The following ASIC1 variants were observed in gnomAD, a reference collection of about 807,000 sequenced individuals.
The protein encoded by ASIC1 is acid sensing ion channel subunit 1, also known as acid-sensing ion channel 1.
A neutral mutation model predicts 63.4 loss-of-function variants in ASIC1; 21 were observed. The observed-to-expected ratio is 0.33, with a 90% confidence interval of 0.23 to 0.48. The LOEUF (loss-of-function observed/expected upper bound fraction) is 0.48. ASIC1 is among the 20% of genes least tolerant of loss of function. The probability of loss-of-function intolerance (pLI) is 0.99; values close to 1 mark genes in which losing one functional copy is unlikely to be tolerated. For missense variants in ASIC1, 478 were observed against 695.5 expected (o/e 0.69, Z 3.52); for synonymous variants, 258 against 278.2 (o/e 0.93, Z 0.72).
In ASIC1 at chr12:50,078,393, T is replaced by C; in HGVS notation, c.838-28T>C. The C allele has an allele frequency of 3.1e-6, 5 of 1,612,396 alleles. No individual in the cohort carries two copies. The highest frequency in any genetic ancestry group is 4.2e-6 in the Non-Finnish European group (5 of 1,179,048). The stretch of plus-strand genomic sequence containing the variant: ...CTGATTTGGGGAGAAGTCCCCGCAC[T>C]CCCCCAGCTCCCCGGCTCTCCCAGC... On this transcript the variant is annotated intron_variant, in intron 5 of 11. Coordinates refer to ENST00000447966, the MANE Select transcript of ASIC1 (RefSeq NM_001095.4). This position sits in a 1 kb window ranked among gnomAD's most constrained non-coding sequence, Gnocchi z 6.0.
intron 3 of ASIC1, among the ~76,000 whole-genome samples, chr12:50,063,263 G>A (rs1392133383): frequency 6.6e-6 from 1 of 152,186 alleles, no homozygotes; most frequent in African/African-American, 2.4e-5. Context: ...GAGCACAGTC[G>A]CAGCTGGTGC....
At chr12:50,080,846 C>T (rs764036175) in intron 9 of ASIC1, 8 of 922,832 alleles carry the variant, frequency 8.7e-6, no homozygotes, top group South Asian at 1.5e-5. Flanking sequence ...TCATATGCCC[C>T]TAAACTAAGA....
rs753233262 is a variant in ASIC1 at position 50,058,935 on chromosome 12, C to T, written c.169C>T (p.Leu57=). 1.2e-6 allele frequency: 2 copies of T among 1,613,766 alleles called. No homozygotes were observed. The highest frequency in any genetic ancestry group is 1.3e-5 in the African/African-American group (1 of 74,924). The change falls in exon 2 of 12, where the codon CTG becomes TTG. Residue 57 remains leucine, a synonymous_variant. Coordinates refer to ENST00000447966, the MANE Select transcript of ASIC1 (RefSeq NM_001095.4). Reference sequence around the variant, plus strand: ...GTGCTTCCTGGGCTCCCTGGCTGTGCTGCTGTGTGTGTGCACGGAGCGTGT... The same window carrying T: ...GTGCTTCCTGGGCTCCCTGGCTGTGTTGCTGTGTGTGTGCACGGAGCGTGT... ...ALCFLGSLAV[L]LCVCTERVQY...
chr12:50,063,307 G>T (rs1950517470), intron 3 of ASIC1, among the ~76,000 whole-genome samples: 1 of 152,226 alleles, frequency 6.6e-6, no homozygotes, highest in Non-Finnish European at 1.5e-5. Flanking sequence ...GTCCCTGGCA[G>T]TGGGAGCAGC....
intron 3 of ASIC1, among the ~76,000 whole-genome samples, chr12:50,072,573 C>T (rs571633806): frequency 1.3e-5 from 2 of 152,280 alleles, no homozygotes; most frequent in African/African-American, 2.4e-5. Flanking sequence ...TCCCCCTGCC[C>T]CACCCCCAGC....
At chr12:50,066,688 T>G (rs910468337) in intron 3 of ASIC1, among the ~76,000 whole-genome samples, 10 of 152,178 alleles carry the variant, frequency 6.6e-5, no homozygotes, top group African/African-American at 2.2e-4. Flanking sequence ...CACTGTGTTT[T>G]CCTGGTCAGC....
Position 50,081,330 on chromosome 12 carries a change from G to A in ASIC1, c.1448G>A (p.Gly483Asp), listed in dbSNP as rs372000117. ...KEAKRSSADK[G>D]VALSLDDVKR... ...GCCAAAAGGAGCAGTGCGGACAAGG[G>A]CGTGGCCCTCAGCCTGGACGACGTC... Residue 483 changes from glycine (G) to aspartate (D), a missense_variant, in exon 11 of 12, where the codon GGC becomes GAC. This residue lies in a region of ASIC1 where 104 missense variants were observed against 97.0 expected (regional missense o/e 1.07). Coordinates refer to ENST00000447966, the MANE Select transcript of ASIC1 (RefSeq NM_001095.4). The A allele has an allele frequency of 3.1e-6, 5 of 1,610,256 alleles. No individual in the cohort carries two copies. Among genetic ancestry groups the A allele is most frequent in the Non-Finnish European group, 4.2e-6 (5 of 1,178,360 alleles).
At chr12:50,065,128 ACCGGCCAATTCTCT>A (rs1950534522) in intron 3 of ASIC1, among the ~76,000 whole-genome samples, 1 of 152,026 alleles carries the variant, frequency 6.6e-6, no homozygotes, top group Non-Finnish European at 1.5e-5. Flanking sequence ...AACTAAATCA[ACCGGCCAATTCTCT>A]CCGGCCATTC....
At chr12:50,071,266 C>CTTTTT (rs34556615) in intron 3 of ASIC1, among the ~76,000 whole-genome samples, 1 of 119,820 alleles carries the variant, frequency 8.3e-6, no homozygotes, top group African/African-American at 3.3e-5. Flanking sequence ...TTGCTTTCAG[C>CTTTTT]TTTTTTTTTT....
chr12:50,081,403 G>A, intron 11 of ASIC1, 39 bp downstream of exon 11: 9 of 1,549,160 alleles, frequency 5.8e-6, no homozygotes, highest in Non-Finnish European at 7.0e-6. Flanking sequence ...GCCCGCCTGT[G>A]CCTCCACCGC....
chr12:50,059,815 A>G lies in ASIC1; in HGVS notation c.419A>G (p.Asp140Gly). 2 of 1,614,190 alleles carry G rather than the reference A, an allele frequency of 1.2e-6. No homozygotes were observed. Among genetic ancestry groups the G allele is most frequent in the Non-Finnish European group, 1.7e-6 (2 of 1,180,032 alleles). The part of the protein sequence containing the change: ...ADEKQLEILQ[D>G]KANFRSFKPK... ...GAAAAGCAGCTGGAGATACTGCAGG[A>G]CAAAGCCAACTTCCGCAGCTTCAAA... Residue 140 changes from aspartate (D) to glycine (G), a missense_variant, in exon 3 of 12, where the codon GAC becomes GGC. By Grantham distance (94) the Asp-to-Gly change is moderately conservative. Around this residue, in one of 3 missense-constraint regions of ASIC1, gnomAD observed 290 missense variants for 414.9 expected, o/e 0.70. Coordinates refer to ENST00000447966, the MANE Select transcript of ASIC1 (RefSeq NM_001095.4). The surrounding 1 kb of genome is among the most constrained non-coding windows in gnomAD (Gnocchi z 4.6).
chr12:50,074,407 C>T lies in ASIC1; in HGVS notation c.559-2806C>T, dbSNP rs148546986. Among the ~76,000 whole-genome samples the T allele has an allele frequency of 1.2e-3, 176 of 152,234 alleles. 1 individual carries two copies. The highest frequency in any genetic ancestry group is 3.4e-3 in the African/African-American group (140 of 41,540). On this transcript the variant is annotated intron_variant, in intron 3 of 11. Coordinates refer to ENST00000447966, the MANE Select transcript of ASIC1 (RefSeq NM_001095.4). The surrounding 1 kb of genome is among the most constrained non-coding windows in gnomAD (Gnocchi z 4.2). ...ACAGGCCAGAGCTCACCCAGGAGTC[C>T]GGGGCCTGGAGCTGGGCTGGTATTC...
At chr12:50,073,458 G>A in intron 3 of ASIC1, 1 of 1,424,986 alleles carries the variant, frequency 7.0e-7, no homozygotes, top group East Asian at 2.5e-5. Context: ...CAGCTGGGCT[G>A]AGATACCTGG....
rs1311536660 is a variant in ASIC1, at chr12:50,078,794, G to A, written c.995-130G>A. The A allele has an allele frequency of 3.0e-6, 4 of 1,330,596 alleles. No homozygotes were observed. The African/African-American group carries it at 4.3e-5, about 14-fold the overall frequency. The allele number at this position is 1,330,596 out of a possible 1,614,324, so 82.4% of individuals were successfully genotyped here. A position where few individuals can be genotyped will look rare whatever the true frequency, so the allele number is the denominator to read the frequency against. ...GGACCTGGAGTGGGTCACTTCTGGG[G>A]CAGCATGGGGGCCTGCCAGTCCTCC... is the stretch of plus-strand genomic sequence containing the variant. On this transcript the variant is annotated intron_variant, in intron 6 of 11. Coordinates refer to ENST00000447966, the MANE Select transcript of ASIC1 (RefSeq NM_001095.4). This position sits in a 1 kb window ranked among gnomAD's most constrained non-coding sequence, Gnocchi z 6.0.
At chr12:50,061,437 T>TG in intron 3 of ASIC1, among the ~76,000 whole-genome samples, 1 of 152,294 alleles carries the variant, frequency 6.6e-6, no homozygotes. Flanking sequence ...CCTCTCTTAC[T>TG]GCTTCATAAC....
At chr12:50,072,445 G>A (rs1205626153) in intron 3 of ASIC1, among the ~76,000 whole-genome samples, 1 of 152,192 alleles carries the variant, frequency 6.6e-6, no homozygotes, top group Non-Finnish European at 1.5e-5. Context: ...GGGCCTGGGG[G>A]CAGGGAATGG....
chr12:50,067,318 C>G (rs1266139487), intron 3 of ASIC1, among the ~76,000 whole-genome samples: 1 of 152,160 alleles, frequency 6.6e-6, no homozygotes, highest in African/African-American at 2.4e-5. Flanking sequence ...CAGTGGTCAC[C>G]TTCATGTTGC....
At position 50,074,299 on chromosome 12, in the gene ASIC1, C is replaced by T. The variant is rs576922190; in HGVS notation, c.559-2914C>T. Reference sequence around the variant, plus strand: ...CCCCAAGAGTGTCTGCCATGGCTGTCCCTGACTGTCACCTCCTGGGGTTGG... The same window carrying T: ...CCCCAAGAGTGTCTGCCATGGCTGTTCCTGACTGTCACCTCCTGGGGTTGG... On this transcript the variant is annotated intron_variant, in intron 3 of 11. Coordinates refer to ENST00000447966, the MANE Select transcript of ASIC1 (RefSeq NM_001095.4). This position sits in a 1 kb window ranked among gnomAD's most constrained non-coding sequence, Gnocchi z 4.2. 22 of 1,435,514 alleles carry T rather than the reference C, an allele frequency of 1.5e-5. No individual in the cohort carries two copies. The African/African-American group carries it at 3.1e-4, about 21-fold the overall frequency. The allele number at this position is 1,435,514 out of a possible 1,614,324, so 88.9% of individuals were successfully genotyped here. A position where few individuals can be genotyped will look rare whatever the true frequency, so the allele number is the denominator to read the frequency against.
intron 4 of ASIC1, among the ~76,000 whole-genome samples, chr12:50,077,653 C>T (rs922313886): frequency 6.6e-6 from 1 of 151,946 alleles, no homozygotes; most frequent in Admixed American, 6.6e-5. Context: ...TGTCTGGTCT[C>T]GGGGGGCCTT....
Sources: allele counts gnomAD v4.1 joint callset (sites outside exome capture counted in the v4.1 genomes callset), GRCh38; gene constraint gnomAD v4.1.1; regional missense constraint gnomAD v4.1.1; non-coding constraint Gnocchi (gnomAD v3.1); transcripts MANE v1.5; gene names NCBI Gene and HGNC (gene_info 2026-07-23, HGNC 2026-07-21).